The following KRT5 variants were observed in gnomAD, a reference collection of about 807,000 sequenced individuals.
The protein encoded by KRT5 is keratin, type II cytoskeletal 5.
A neutral mutation model predicts 44.0 loss-of-function variants in KRT5; 17 were observed. The observed-to-expected ratio is 0.39, with a 90% CI of 0.26 to 0.58. The LOEUF is 0.58. Ranked by LOEUF, KRT5 falls within the 20% of genes least tolerant of loss-of-function variation. The pLI is 0.61. For synonymous variants in KRT5, 329 were observed against 312.8 expected (o/e 1.05, Z -0.55); for missense variants, 737 against 785.5 (o/e 0.94, Z 0.74).
At chr12:52,515,277 T>C in intron 8 of KRT5, 37 bp from the exon 9 acceptor site, 1 of 1,601,480 alleles carries the variant, frequency 6.2e-7, no homozygotes, top group Non-Finnish European at 8.5e-7. Context: ...TGAGACCATC[T>C]GCCAGGCTGA....
intron 2 of KRT5, 96 bp from the exon 3 acceptor site, chr12:52,518,259 G>T (rs1938648327): frequency 8.6e-7 from 1 of 1,168,210 alleles, no homozygotes; most frequent in Non-Finnish European, 1.3e-6. Context: ...TTTTGCAGTG[G>T]GAAGGGGCTT....
chr12:52,519,690 T>C, intron 1 of KRT5, 52 bp downstream of exon 1: 1 of 1,535,798 alleles, frequency 6.5e-7, no homozygotes, highest in Non-Finnish European at 9.0e-7. Context: ...TTCTCTCTCT[T>C]TGGCATTTAT....
At chr12:52,518,875 C>G in intron 2 of KRT5, 71 bp downstream of exon 2, 1 of 1,575,868 alleles carries the variant, frequency 6.3e-7, no homozygotes, top group Middle Eastern at 1.7e-4. Context: ...TGGTAGTAGA[C>G]TAGTAACAAA....
chr12:52,518,797 T>G, intron 2 of KRT5, 149 bp downstream of exon 2: 4 of 958,350 alleles, frequency 4.2e-6, no homozygotes, highest in South Asian at 1.5e-5. Context: ...GGCTTGTGTA[T>G]TTGTTTGTTT....
rs1456988673 is a variant in KRT5 at position 52,519,168 on chromosome 12, G to A, written c.556-8C>T. ...CTGCTCCAGGAACCGCACCTGGAGG[G>A]GAGCAGGGTTTGAAGATAGAGAAAC... On this transcript the variant is annotated splice_region_variant and splice_polypyrimidine_tract_variant and intron_variant, in intron 1 of 8. Coordinates refer to ENST00000252242, the MANE Select transcript of KRT5 (RefSeq NM_000424.4). 1 of 1,614,048 alleles carries A rather than the reference G, an allele frequency of 6.2e-7. No homozygotes were observed. Among genetic ancestry groups the A allele is most frequent in the Non-Finnish European group, 8.5e-7 (1 of 1,179,934 alleles).
In KRT5 at chr12:52,520,194, C is replaced by CGGAGGT. The variant is rs766035456; in HGVS notation, c.97_102dup (p.Thr33_Ser34dup). 1.2e-6 allele frequency: 2 copies of CGGAGGT among 1,614,044 alleles called. No homozygotes were observed. Among genetic ancestry groups the CGGAGGT allele is most frequent in the South Asian group, 2.2e-5 (2 of 91,068 alleles). ...CCACCGCCACCCCCGGACCGGGACA[C>CGGAGGT]GGAGGTGAAGCTGGTGCGGGAGACA... On this transcript the variant is annotated inframe_insertion, in exon 1 of 9. Coordinates refer to ENST00000252242, the MANE Select transcript of KRT5 (RefSeq NM_000424.4).
In KRT5 at chr12:52,518,832, G is replaced by C; in HGVS notation, c.770+114C>G. On this transcript the variant is annotated intron_variant, in intron 2 of 8. Transcript: ENST00000252242. ...TGTTTTAGTACTGGAGGTGTCCATG[G>C]AAGGTATATCCTCCCAGCCCCAAAG... 2.4e-6 allele frequency: 3 copies of C among 1,254,528 alleles called. No homozygotes were observed. The South Asian group carries it at 3.6e-5, about 15-fold the overall frequency. The allele number at this position is 1,254,528 out of a possible 1,614,324, so 77.7% of individuals were successfully genotyped here.
In KRT5 at chr12:52,516,863, G is replaced by C. The variant is rs747606382; in HGVS notation, c.1219-6C>G. On this transcript the variant is annotated splice_polypyrimidine_tract_variant and splice_region_variant and intron_variant, in intron 6 of 8. Coordinates refer to ENST00000252242, the MANE Select transcript of KRT5 (RefSeq NM_000424.4). ...GCGTTCTGCAGATTGGCGCACTACAGATAGAAAGGAGGAGAGTGGGGTTGC... is the reference window on the plus strand; with the variant it reads ...GCGTTCTGCAGATTGGCGCACTACACATAGAAAGGAGGAGAGTGGGGTTGC... 2 of 1,614,106 alleles carry C rather than the reference G, an allele frequency of 1.2e-6. No homozygotes were observed. The highest frequency in any genetic ancestry group is 1.7e-6 in the Non-Finnish European group (2 of 1,179,992).
chr12:52,519,246 G>A (rs922867604), intron 1 of KRT5, 86 bp from the exon 2 acceptor site: 31 of 1,557,540 alleles, frequency 2.0e-5, no homozygotes, highest in East Asian at 1.9e-4. Context: ...ACCTCTTTCC[G>A]TCCCTCTAAA....
At position 52,515,171 on chromosome 12, in the gene KRT5, C is replaced by A; in HGVS notation, c.1544G>T (p.Gly515Val). The A allele has an allele frequency of 6.2e-7, 1 of 1,612,650 alleles. No individual in the cohort carries two copies. Among genetic ancestry groups the A allele is most frequent in the Non-Finnish European group, 8.5e-7 (1 of 1,179,732 alleles). The change falls in exon 9 of 9, where the codon GGT (glycine) becomes GTT (valine). Residue 515 changes from glycine to valine, a missense_variant. By Grantham distance (109) the Gly-to-Val change is moderately radical. Around this residue, in one of 5 missense-constraint regions of KRT5, gnomAD observed 344 missense variants for 351.6 expected, o/e 0.98. Coordinates refer to ENST00000252242, the MANE Select transcript of KRT5 (RefSeq NM_000424.4). ...ACCTCCACCGAGGCCGCCGCCAAGA[C>A]CTCCACCGAGGCCACCGCCATAGCC... ...GSGYGGGLGG[G>V]LGGGLGGGLA...
At position 52,516,872 on chromosome 12, in the gene KRT5, G is replaced by A. The variant is rs772025669; in HGVS notation, c.1219-15C>T. The stretch of plus-strand genomic sequence containing the variant: ...AGATTGGCGCACTACAGATAGAAAG[G>A]AGGAGAGTGGGGTTGCTTGGGACCT... On this transcript the variant is annotated splice_polypyrimidine_tract_variant and intron_variant, in intron 6 of 8. Transcript: ENST00000252242. 1 of 1,613,706 alleles carries A rather than the reference G, an allele frequency of 6.2e-7. No individual in the cohort carries two copies. The highest frequency in any genetic ancestry group is 2.2e-5 in the East Asian group (1 of 44,886).
rs888047497 is a variant in KRT5, at chr12:52,519,229, G to A, written c.556-69C>T. 6 of 1,595,456 alleles carry A rather than the reference G, an allele frequency of 3.8e-6. No homozygotes were observed. The African/African-American group carries it at 5.4e-5, about 14-fold the overall frequency. On this transcript the variant is annotated intron_variant, in intron 1 of 8. Coordinates refer to ENST00000252242, the MANE Select transcript of KRT5 (RefSeq NM_000424.4). ...TGTTCTATGATCAACTCACTAAGGT[G>A]CCTCCCACCTCTTTCCGTCCCTCTA...
chr12:52,518,280 G>T, intron 2 of KRT5, 117 bp from the exon 3 acceptor site: 1 of 941,754 alleles, frequency 1.1e-6, no homozygotes, highest in Non-Finnish European at 1.7e-6. Flanking sequence ...CTCCTCATAG[G>T]CAGAGAGGGA....
chr12:52,514,770 C>T lies in KRT5; in HGVS notation c.*172G>A. On this transcript the variant is annotated 3_prime_UTR_variant, in exon 9 of 9. Coordinates refer to ENST00000252242, the MANE Select transcript of KRT5 (RefSeq NM_000424.4). ...AATATAGAACTGCGGCACGGGAGACCAGGGGCTGGGAATGGGGCTCTCCTG... is the reference window on the plus strand; with the variant it reads ...AATATAGAACTGCGGCACGGGAGACTAGGGGCTGGGAATGGGGCTCTCCTG... The T allele has an allele frequency of 1.6e-6, 1 of 642,498 alleles. No individual in the cohort carries two copies. Among genetic ancestry groups the T allele is most frequent in the Non-Finnish European group, 2.7e-6 (1 of 365,982 alleles). The allele number at this position is 642,498 out of a possible 1,614,324, so 39.8% of individuals were successfully genotyped here.
At chr12:52,519,718 T>C in intron 1 of KRT5, 24 bp downstream of exon 1, 1 of 1,609,722 alleles carries the variant, frequency 6.2e-7, no homozygotes, top group Non-Finnish European at 8.5e-7. Flanking sequence ...CCACAGTGAT[T>C]TTTTACAAAA....
intron 4 of KRT5, 30 bp downstream of exon 4, chr12:52,517,867 C>T (rs1938639079): frequency 2.5e-6 from 4 of 1,611,258 alleles, no homozygotes; most frequent in Non-Finnish European, 3.4e-6. Context: ...AAAAACCCAC[C>T]CATGTGAAAA....
intron 8 of KRT5, chr12:52,515,537 G>T: frequency 1.6e-6 from 1 of 623,382 alleles, no homozygotes; most frequent in South Asian, 1.9e-5. Flanking sequence ...GGGGAGCTAG[G>T]TACTAGGGAC....
intron 5 of KRT5, 96 bp downstream of exon 5, chr12:52,517,494 C>T: frequency 1.5e-6 from 2 of 1,338,154 alleles, no homozygotes; most frequent in Non-Finnish European, 2.1e-6. Flanking sequence ...TGGGCTTCAG[C>T]AGGTTCCAGG....
Position 52,520,211 on chromosome 12 carries a change from C to A in KRT5, c.86G>T (p.Arg29Leu), listed in dbSNP as rs543574061. ...TASAITPSVS[R>L]TSFTSVSRSG... ...CCGGGACACGGAGGTGAAGCTGGTG[C>A]GGGAGACAGACGGGGTGATGGCAGA... is the stretch of plus-strand genomic sequence containing the variant. The change falls in exon 1 of 9, where the codon CGC becomes CTC. Residue 29 changes from arginine (R) to leucine (L), a missense_variant. Arg to Leu is a moderately radical substitution (Grantham distance 102, BLOSUM62 -2). Transcript: ENST00000252242. 2 of 1,614,040 alleles carry A rather than the reference C, an allele frequency of 1.2e-6. No homozygotes were observed. The highest frequency in any genetic ancestry group is 1.7e-6 in the Non-Finnish European group (2 of 1,180,004).
Sources: gnomAD v4.1 joint callset for allele counts on GRCh38, gnomAD v4.1.1 for gene constraint, gnomAD v4.1.1 regional missense constraint, MANE v1.5 for transcripts, NCBI Gene and HGNC (gene_info 2026-07-23, HGNC 2026-07-21) for gene names.